Variants in SARDH observed in about 807,000 individuals in gnomAD.
SARDH encodes the protein sarcosine dehydrogenase.
SARDH carries 95 observed loss-of-function variants against 109.1 expected under a neutral mutation model. The observed-to-expected ratio is 0.87, with a 90% confidence interval of 0.74 to 1.03. The LOEUF (loss-of-function observed/expected upper bound fraction) is 1.03. Among genes scored for constraint, SARDH ranks in the 50% least tolerant of loss-of-function variants. SARDH has a pLI of 0.00. For synonymous variants in SARDH, 572 were observed against 534.8 expected, an observed-to-expected ratio of 1.07 and a Z score of -0.96; for missense variants, 1,267 against 1,287.8, an observed-to-expected ratio of 0.98 and a Z score of 0.25.
intron 16 of SARDH, among the ~76,000 whole-genome samples, chr9:133,687,479 C>A (rs567394054): frequency 6.6e-6 from 1 of 152,198 alleles, no homozygotes; most frequent in South Asian, 2.1e-4. Context: ...TAGGATCTCG[C>A]TATGTTGCTC....
At chr9:133,690,321 G>C in intron 16 of SARDH, 59 bp downstream of exon 16, 1 of 1,576,994 alleles carries the variant, frequency 6.3e-7, no homozygotes, top group Non-Finnish European at 8.6e-7. Context: ...AGGGCCTGTT[G>C]GAGGACCTGG....
Position 133,683,660 on chromosome 9 carries a change from G to A in SARDH, c.2163+1533C>T, listed in dbSNP as rs528376744. 2.5e-4 allele frequency among the ~76,000 whole-genome samples: 38 copies of A among 152,360 alleles called. No homozygotes were observed. In the South Asian group the frequency reaches 7.0e-3, roughly 28 times the overall value. ...CCCTGTGCAGCCTCTGGAGAGGGGA[G>A]GTGAGAGCAGAGCCGCTGGGATCTC... On this transcript the variant is annotated intron_variant, in intron 17 of 20. Coordinates refer to ENST00000439388, the MANE Select transcript of SARDH (RefSeq NM_001134707.2).
intron 16 of SARDH, among the ~76,000 whole-genome samples, chr9:133,689,701 G>A (rs895233070): frequency 1.3e-5 from 2 of 151,762 alleles, no homozygotes; most frequent in African/African-American, 4.8e-5. Flanking sequence ...TGCTCCACTG[G>A]TGGCTGCTAA....
At chr9:133,710,912 G>C (rs566194213) in intron 10 of SARDH, among the ~76,000 whole-genome samples, 34 of 152,332 alleles carry the variant, frequency 2.2e-4, no homozygotes, top group African/African-American at 6.3e-4. Context: ...GCAGGGGTCT[G>C]GGACCAACAG....
At chr9:133,667,944 C>T (rs7034045) in intron 19 of SARDH, among the ~76,000 whole-genome samples, 6,398 of 152,198 alleles carry the variant, frequency 0.042, 206 homozygotes, top group South Asian at 0.11. Context: ...CTTCTCTGCG[C>T]CTGTCCTGGA....
chr9:133,666,685 C>T lies in SARDH; in HGVS notation c.2631+50G>A, dbSNP rs202242612. On this transcript the variant is annotated intron_variant, in intron 20 of 20. Transcript: ENST00000439388. This position sits in a 1 kb window ranked among gnomAD's most constrained non-coding sequence, Gnocchi z 5.2. Reference sequence around the variant, plus strand: ...TGCAGTGCAGGGAGCTGGTTTGGAGCTGGTGAGGGATCGGCATCTGCCTTA... The same window carrying T: ...TGCAGTGCAGGGAGCTGGTTTGGAGTTGGTGAGGGATCGGCATCTGCCTTA... The T allele has an allele frequency of 1.0e-5, 16 of 1,555,484 alleles. No individual in the cohort carries two copies. The African/African-American group carries it at 2.0e-4, about 20-fold the overall frequency.
At position 133,696,325 on chromosome 9, in the gene SARDH, C is replaced by T. The variant is rs766700582; in HGVS notation, c.1705G>A (p.Ala569Thr). 3.7e-6 allele frequency: 6 copies of T among 1,614,026 alleles called. No homozygotes were observed. The highest frequency in any genetic ancestry group is 2.2e-5 in the East Asian group (1 of 44,884). Residue 569 changes from alanine (A) to threonine (T), a missense_variant, in exon 14 of 21, where the codon GCT (alanine) becomes ACT (threonine). By Grantham distance (58) the Ala-to-Thr change is moderately conservative. Coordinates refer to ENST00000439388, the MANE Select transcript of SARDH (RefSeq NM_001134707.2). ...KECLACRGAA[A>T]VFDMSYFGKF... Reference sequence around the variant, plus strand: ...CCGAAGTAGGACATGTCAAACACAGCGGCGGCCCCTCTGCAGGCCAGGCAC... The same window carrying T: ...CCGAAGTAGGACATGTCAAACACAGTGGCGGCCCCTCTGCAGGCCAGGCAC...
At chr9:133,720,878 T>C (rs1162205025) in intron 6 of SARDH, among the ~76,000 whole-genome samples, 1 of 151,968 alleles carries the variant, frequency 6.6e-6, no homozygotes, top group East Asian at 1.9e-4. Context: ...GAATCTAAGA[T>C]GAAGAAAGAG....
rs775825403 is a variant in SARDH, at chr9:133,702,969, G to T, written c.1615C>A (p.Arg539Ser). 1.1e-5 allele frequency: 17 copies of T among 1,613,454 alleles called. No individual in the cohort carries two copies. In the Admixed American group the frequency reaches 2.8e-4, roughly 27 times the overall value. The part of the protein sequence containing the change: ...GSRAHEDYAY[R>S]RLLADEYTFA... Reference sequence around the variant, plus strand: ...GTGTACTCGTCTGCCAGCAGCCTGCGGTAGGCGTAGTCCTCGTGCGCGCGG... The same window carrying T: ...GTGTACTCGTCTGCCAGCAGCCTGCTGTAGGCGTAGTCCTCGTGCGCGCGG... The change falls in exon 13 of 21, where the codon CGC becomes AGC. Residue 539 changes from arginine (R) to serine (S), a missense_variant. Arg to Ser is a moderately radical substitution (Grantham distance 110, BLOSUM62 -1). Coordinates refer to ENST00000439388, the MANE Select transcript of SARDH (RefSeq NM_001134707.2).
chr9:133,734,395 A>C (rs1832802256), intron 1 of SARDH, among the ~76,000 whole-genome samples, 192 bp from the exon 2 acceptor site: 1 of 148,434 alleles, frequency 6.7e-6, no homozygotes. Flanking sequence ...TCATTCATTC[A>C]CTCATTCATT....
At chr9:133,724,187 A>G (rs906796867) in intron 6 of SARDH, among the ~76,000 whole-genome samples, 4 of 152,160 alleles carry the variant, frequency 2.6e-5, no homozygotes, top group Non-Finnish European at 5.9e-5. Flanking sequence ...TTCTGGGGGA[A>G]AAAAAGAAAG....
intron 17 of SARDH, among the ~76,000 whole-genome samples, chr9:133,675,970 G>A (rs893098304): frequency 6.6e-6 from 1 of 152,054 alleles, no homozygotes; most frequent in African/African-American, 2.4e-5. Context: ...GCATGTGCCT[G>A]TAGTCCCAGC....
intron 4 of SARDH, 135 bp downstream of exon 4, chr9:133,731,170 G>A: frequency 1.8e-6 from 2 of 1,136,778 alleles, no homozygotes; most frequent in Non-Finnish European, 2.5e-6. Context: ...AGAAGGCTCA[G>A]AGAGGTCCTC....
chr9:133,673,939 G>A (rs1031008193), intron 17 of SARDH, among the ~76,000 whole-genome samples: 15 of 152,324 alleles, frequency 9.8e-5, no homozygotes, highest in East Asian at 1.9e-4. Flanking sequence ...GCAGCTCAGC[G>A]AGGATGGGGT....
intron 13 of SARDH, among the ~76,000 whole-genome samples, chr9:133,696,865 C>A (rs1009879011): frequency 6.6e-5 from 10 of 152,070 alleles, no homozygotes; most frequent in Non-Finnish European, 1.3e-4. Context: ...TATGTGCTTG[C>A]ATTACGAAAG....
chr9:133,677,274 C>T (rs1248844647), intron 17 of SARDH, among the ~76,000 whole-genome samples: 4 of 151,140 alleles, frequency 2.6e-5, no homozygotes, highest in Admixed American at 1.3e-4. Flanking sequence ...TGGAAACCCA[C>T]ATCCTCCAGG....
At chr9:133,719,124 C>A in intron 6 of SARDH, 82 bp from the exon 7 acceptor site, 2 of 1,169,396 alleles carry the variant, frequency 1.7e-6, no homozygotes, top group Non-Finnish European at 2.6e-6. Flanking sequence ...TGGGCCAGCA[C>A]CTCCACCCAG....
rs958844860 is a variant in SARDH at position 133,704,943 on chromosome 9, C to T, written c.1554+5G>A. The T allele has an allele frequency of 3.1e-5, 48 of 1,571,752 alleles. No homozygotes were observed. The highest frequency in any genetic ancestry group is 3.8e-5 in the Non-Finnish European group (44 of 1,158,886). Reference sequence around the variant, plus strand: ...CAGCAGCACAGCCCAGCAGGCACTACTCACCGGAGCTGGGCCTCGGGGATG... The same window carrying T: ...CAGCAGCACAGCCCAGCAGGCACTATTCACCGGAGCTGGGCCTCGGGGATG... On this transcript the variant is annotated splice_donor_5th_base_variant and intron_variant, in intron 12 of 20. Coordinates refer to ENST00000439388, the MANE Select transcript of SARDH (RefSeq NM_001134707.2). The surrounding 1 kb of genome is among the most constrained non-coding windows in gnomAD (Gnocchi z 4.5).
At chr9:133,729,903 C>T (rs1463856645) in intron 5 of SARDH, 38 bp from the exon 6 acceptor site, 3 of 1,606,104 alleles carry the variant, frequency 1.9e-6, no homozygotes, top group East Asian at 2.2e-5. Context: ...TCTGCTGACA[C>T]CTGGTGGGAG....
Sources: allele counts gnomAD v4.1 joint callset (sites outside exome capture counted in the v4.1 genomes callset), GRCh38; gene constraint gnomAD v4.1.1; non-coding constraint Gnocchi (gnomAD v3.1); transcripts MANE v1.5; gene names NCBI Gene and HGNC (gene_info 2026-07-23, HGNC 2026-07-21).